Variants in LMF1 observed in about 807,000 individuals in gnomAD.
The protein encoded by LMF1 is lipase maturation factor 1.
In LMF1, 68 loss-of-function variants were observed where a neutral mutation model predicts 60.6. The ratio of observed to expected loss-of-function variants is 1.12; its 90% CI spans 0.92 to 1.37. LMF1 has a LOEUF of 1.37. Among genes scored for constraint, LMF1 ranks in the 40% most tolerant of loss-of-function variants. LMF1 has a pLI of 0.00. For missense variants in LMF1, 948 were observed against 767.2 expected, an observed-to-expected ratio of 1.24 and a Z score of -2.78; for synonymous variants, 418 against 324.7, an observed-to-expected ratio of 1.29 and a Z score of -3.09.
At chr16:977,693 CG>C (rs1328167919) in intron 1 of LMF1, among the ~76,000 whole-genome samples, 1 of 86,254 alleles carries the variant, frequency 1.2e-5, no homozygotes, top group Non-Finnish European at 2.4e-5. Flanking sequence ...TGGAGGGGGA[CG>C]GGGAGGACGG....
Position 859,884 on chromosome 16 carries a change from GAGTGGTGTCTCGGGATGGGTGTGC to G in LMF1, c.1530-5202_1530-5179del, listed in dbSNP as rs1567137421. ...TGCAGTGGTGTCTCGGGATGGGTGT[GAGTGGTGTCTCGGGATGGGTGTGC>G]AGTGGTGTCACGGGATCGGTGTGAG... On this transcript the variant is annotated intron_variant, in intron 10 of 10. Coordinates refer to ENST00000262301, the MANE Select transcript of LMF1 (RefSeq NM_022773.4). Among the ~76,000 whole-genome samples the G allele has an allele frequency of 8.4e-5, 8 of 95,706 alleles. 1 individual carries two copies. Among genetic ancestry groups the G allele is most frequent in the African/African-American group, 4.4e-4 (7 of 15,800 alleles). 62.8% of individuals were successfully genotyped at this position (95,706 alleles called of 152,430 possible).
rs2072659230 is a variant in LMF1, at chr16:955,241, G to GCA, written c.194-576_194-575insTG. Reference sequence around the variant, plus strand: ...TAAAAGGCGTGCCTGCAGCAGACGTGGTGTGTGCATACACACACACACATC... The same window carrying GCA: ...TAAAAGGCGTGCCTGCAGCAGACGTGCAGTGTGTGCATACACACACACACATC... On this transcript the variant is annotated intron_variant, in intron 1 of 10. Coordinates refer to ENST00000262301, the MANE Select transcript of LMF1 (RefSeq NM_022773.4). Among the ~76,000 whole-genome samples, 4 of 99,236 alleles carry GCA rather than the reference G, an allele frequency of 4.0e-5. 2 individuals are homozygous for GCA. Among genetic ancestry groups the GCA allele is most frequent in the African/African-American group, 2.3e-4 (4 of 17,100 alleles). 65.1% of individuals were successfully genotyped at this position (99,236 alleles called of 152,430 possible). A position where few individuals can be genotyped will look rare whatever the true frequency, so the allele number is the denominator to read the frequency against.
rs139754189 is a variant in LMF1 at position 913,844 on chromosome 16, T to G, written c.515-2765A>C. Among the ~76,000 whole-genome samples the G allele has an allele frequency of 5.5e-3, 840 of 152,208 alleles. 7 individuals carry two copies. The highest frequency in any genetic ancestry group is 0.019 in the African/African-American group (789 of 41,520). ...GGCACACAGAAGAGAGGCTTCGCCA[T>G]GGGGCAGCCCGAGGCACATGGCGAG... On this transcript the variant is annotated intron_variant, in intron 3 of 10. Coordinates refer to ENST00000262301, the MANE Select transcript of LMF1 (RefSeq NM_022773.4).
chr16:924,249 T>C (rs1226725802), intron 3 of LMF1, among the ~76,000 whole-genome samples: 1 of 152,164 alleles, frequency 6.6e-6, no homozygotes, highest in East Asian at 1.9e-4. Context: ...ATAACCCATA[T>C]AAACCTATCA....
intron 3 of LMF1, among the ~76,000 whole-genome samples, chr16:926,347 CAT>C (rs1250147060): frequency 6.6e-6 from 1 of 152,078 alleles, no homozygotes; most frequent in Non-Finnish European, 1.5e-5. Flanking sequence ...GGTCTGTGCG[CAT>C]GTGTGCACGT....
upstream of LMF1, among the ~76,000 whole-genome samples, chr16:974,872 G>C (rs578065065): frequency 6.6e-6 from 1 of 152,350 alleles, no homozygotes; most frequent in South Asian, 2.1e-4. Context: ...AGATAATCGT[G>C]CACCCTTCAT....
intron 1 of LMF1, among the ~76,000 whole-genome samples, chr16:956,379 C>T (rs1227509271): frequency 6.6e-6 from 1 of 151,996 alleles, no homozygotes; most frequent in African/African-American, 2.4e-5. Flanking sequence ...AAGCACATTC[C>T]CATGTGTAAA....
intron 2 of LMF1, among the ~76,000 whole-genome samples, chr16:937,489 T>C (rs1461734437): frequency 6.6e-6 from 1 of 152,054 alleles, no homozygotes; most frequent in Non-Finnish European, 1.5e-5. Flanking sequence ...GGGTCTCTGT[T>C]GACTGACAGG....
At chr16:935,490 C>A (rs1424126506) in intron 2 of LMF1, among the ~76,000 whole-genome samples, 2 of 150,910 alleles carry the variant, frequency 1.3e-5, no homozygotes, top group African/African-American at 4.9e-5. Flanking sequence ...AATCTTGTGG[C>A]TTCCGTGGGC....
At chr16:895,426 A>C (rs1434418326) in intron 4 of LMF1, among the ~76,000 whole-genome samples, 2 of 152,058 alleles carry the variant, frequency 1.3e-5, no homozygotes, top group African/African-American at 4.8e-5. Flanking sequence ...CCAACAGAAA[A>C]CCAACCACAC....
chr16:965,269 G>A (rs980893591), intron 1 of LMF1, among the ~76,000 whole-genome samples: 3 of 151,884 alleles, frequency 2.0e-5, no homozygotes, highest in Admixed American at 6.6e-5. Flanking sequence ...CCCACGCTAC[G>A]AAGCTAGACA....
chr16:905,522 G>A (rs2070953684), intron 4 of LMF1, among the ~76,000 whole-genome samples: 1 of 152,242 alleles, frequency 6.6e-6, no homozygotes, highest in Non-Finnish European at 1.5e-5. Flanking sequence ...CAGTGCATCT[G>A]AGGGATTTTT....
rs1375661060 is a variant in LMF1 at position 910,930 on chromosome 16, C to T, written c.663+1G>A. 1 of 1,612,640 alleles carries T rather than the reference C, an allele frequency of 6.2e-7. No individual in the cohort carries two copies. Among genetic ancestry groups the T allele is most frequent in the Non-Finnish European group, 8.5e-7 (1 of 1,179,818 alleles). ...ACACCACGCAGAAGAGCTCCACTTACTGCTCCAAGCATGATCCTGAAGATC... is the reference window on the plus strand; with the variant it reads ...ACACCACGCAGAAGAGCTCCACTTATTGCTCCAAGCATGATCCTGAAGATC... On this transcript the variant is annotated splice_donor_variant, in intron 4 of 10. Coordinates refer to ENST00000262301, the MANE Select transcript of LMF1 (RefSeq NM_022773.4). LOFTEE classifies it high-confidence loss of function.
chr16:861,572 TC>T (rs1348866938), intron 10 of LMF1, among the ~76,000 whole-genome samples: 1 of 152,002 alleles, frequency 6.6e-6, no homozygotes, highest in African/African-American at 2.4e-5. Context: ...GTTAGGCTGG[TC>T]TTGAACTCCC....
chr16:855,017 G>A, intron 10 of LMF1: 1 of 480,316 alleles, frequency 2.1e-6, no homozygotes, highest in Non-Finnish European at 3.8e-6. Context: ...GAGCTTCACG[G>A]GTGGCACTGA....
rs1020550665 is a variant in LMF1, at chr16:951,866, C to A, written c.503+2491G>T. On this transcript the variant is annotated intron_variant, in intron 2 of 10. Transcript: ENST00000262301. ...AACAAGCACAGCCCCCACCAGGCCA[C>A]CGTCAGCAGAGACAGCTCATGTGAA... Among the ~76,000 whole-genome samples, 6 of 152,256 alleles carry A rather than the reference C, an allele frequency of 3.9e-5. No individual in the cohort carries two copies. The East Asian group carries it at 9.6e-4, about 24-fold the overall frequency.
intron 4 of LMF1, chr16:902,419 C>T (rs570177826): frequency 9.1e-5 from 14 of 153,378 alleles, no homozygotes; most frequent in African/African-American, 3.1e-4. Context: ...TGCTGGAGCC[C>T]ACGAGAGGAT....
intron 3 of LMF1, among the ~76,000 whole-genome samples, chr16:920,783 A>C (rs920166485): frequency 7.2e-5 from 11 of 152,252 alleles, no homozygotes; most frequent in Admixed American, 6.5e-4. Flanking sequence ...TCAGAGAAAC[A>C]TAACACGTTA....
intron 5 of LMF1, among the ~76,000 whole-genome samples, chr16:889,035 C>T (rs1013033203): frequency 7.2e-5 from 11 of 152,214 alleles, no homozygotes; most frequent in South Asian, 2.1e-4. Context: ...CATGCATCCC[C>T]GGTGTCTCAT....
Sources: allele counts gnomAD v4.1 joint callset (sites outside exome capture counted in the v4.1 genomes callset), GRCh38; gene constraint gnomAD v4.1.1; transcripts MANE v1.5; gene names NCBI Gene and HGNC (gene_info 2026-07-23, HGNC 2026-07-21).